Variants in AUTS2 observed in about 807,000 individuals in gnomAD.
AUTS2 encodes autism susceptibility gene 2 protein.
Under a neutral mutation model 112.4 loss-of-function variants are expected in AUTS2, and 17 were observed. The observed-to-expected ratio is 0.15, with a 90% CI of 0.10 to 0.23. The LOEUF is 0.23. AUTS2 is among the 10% of genes least tolerant of loss of function. The probability of loss-of-function intolerance (pLI) is 1.00; values close to 1 mark genes in which losing one functional copy is unlikely to be tolerated. For missense variants in AUTS2, 1,510 were observed against 1,701.6 expected (o/e 0.89, Z 1.98); for synonymous variants, 751 against 702.7 (o/e 1.07, Z -1.09).
intron 4 of AUTS2, among the ~76,000 whole-genome samples, chr7:70,321,609 C>T (rs1790257453): frequency 6.6e-6 from 1 of 152,058 alleles, no homozygotes; most frequent in Admixed American, 6.6e-5. Context: ...CTCCCTCCCA[C>T]AAAAAAACAG....
At chr7:70,364,286 G>T (rs895794969) in intron 4 of AUTS2, among the ~76,000 whole-genome samples, 7 of 152,112 alleles carry the variant, frequency 4.6e-5, no homozygotes, top group African/African-American at 1.7e-4. Context: ...AAATTAGGCC[G>T]GGCGCAGTGG....
At chr7:69,616,845 A>T (rs1384076103) in intron 1 of AUTS2, among the ~76,000 whole-genome samples, 2 of 152,110 alleles carry the variant, frequency 1.3e-5, no homozygotes, top group Admixed American at 6.5e-5. Context: ...CCTGTCTTCT[A>T]TATTTATACT....
chr7:70,486,588 A>G (rs1798010101), intron 5 of AUTS2, among the ~76,000 whole-genome samples: 1 of 152,018 alleles, frequency 6.6e-6, no homozygotes, highest in Non-Finnish European at 1.5e-5. Context: ...AACAAAAAAC[A>G]AAAACAAAAC....
intron 5 of AUTS2, among the ~76,000 whole-genome samples, chr7:70,475,181 T>C (rs1254453299): frequency 2.0e-5 from 3 of 152,206 alleles, no homozygotes; most frequent in Non-Finnish European, 2.9e-5. Context: ...TTCTGAGAGA[T>C]TCTTTTTTTA....
chr7:70,735,333 T>C (rs2129553291), intron 6 of AUTS2, among the ~76,000 whole-genome samples: 1 of 152,176 alleles, frequency 6.6e-6, no homozygotes, highest in Admixed American at 6.5e-5. Flanking sequence ...GCAAATTCAG[T>C]TGGTTTGTTC....
intron 1 of AUTS2, among the ~76,000 whole-genome samples, chr7:69,880,355 T>C (rs1562946766): frequency 6.6e-6 from 1 of 152,140 alleles, no homozygotes; most frequent in Non-Finnish European, 1.5e-5. Context: ...CCAAACCATA[T>C]CACCCAGCTG....
At chr7:70,142,101 C>T (rs1342026340) in intron 4 of AUTS2, among the ~76,000 whole-genome samples, 1 of 152,178 alleles carries the variant, frequency 6.6e-6, no homozygotes, top group African/African-American at 2.4e-5. Context: ...TATTTTTAAA[C>T]ATTTGCTGTC....
chr7:69,614,367 T>TCTTTCTTTCTTTTCTTTCTTTTC lies in AUTS2; in HGVS notation c.309+14405_309+14406insCTTTCTTTCTTTTCTTTCTTTTC, dbSNP rs57602451. Among the ~76,000 whole-genome samples, 27 of 90,282 alleles carry TCTTTCTTTCTTTTCTTTCTTTTC rather than the reference T, an allele frequency of 3.0e-4. 5 individuals carry two copies. Among genetic ancestry groups the TCTTTCTTTCTTTTCTTTCTTTTC allele is most frequent in the African/African-American group, 4.1e-4 (10 of 24,434 alleles). 59.2% of individuals were successfully genotyped at this position (90,282 alleles called of 152,430 possible). A position where few individuals can be genotyped will look rare whatever the true frequency, so the allele number is the denominator to read the frequency against. On this transcript the variant is annotated intron_variant, in intron 1 of 18. Coordinates refer to ENST00000342771, the MANE Select transcript of AUTS2 (RefSeq NM_015570.4). Reference sequence around the variant, plus strand: ...TTCTTTCTTTCTTTCTTTCTTTCTTTTTTTAAGAGATGGGATCTCACTCTG... The same window carrying TCTTTCTTTCTTTTCTTTCTTTTC: ...TTCTTTCTTTCTTTCTTTCTTTCTTTCTTTCTTTCTTTTCTTTCTTTTCTTTTAAGAGATGGGATCTCACTCTG...
intron 5 of AUTS2, among the ~76,000 whole-genome samples, chr7:70,532,193 T>G (rs1196200421): frequency 6.6e-6 from 1 of 152,164 alleles, no homozygotes; most frequent in African/African-American, 2.4e-5. Flanking sequence ...AGCTTCAGCT[T>G]GTATCGCGTT....
chr7:70,408,122 A>T (rs1359001417), intron 4 of AUTS2, among the ~76,000 whole-genome samples: 2 of 151,696 alleles, frequency 1.3e-5, no homozygotes, highest in African/African-American at 4.8e-5. Flanking sequence ...TTGAGGCTAC[A>T]GTGAATTGTA....
At chr7:69,616,302 G>A (rs950764734) in intron 1 of AUTS2, among the ~76,000 whole-genome samples, 1 of 152,138 alleles carries the variant, frequency 6.6e-6, no homozygotes. Flanking sequence ...GTACCAGGTG[G>A]CTGCCATGTT....
intron 4 of AUTS2, among the ~76,000 whole-genome samples, chr7:70,272,940 C>T (rs1430509035): frequency 1.3e-5 from 2 of 152,188 alleles, no homozygotes; most frequent in African/African-American, 4.8e-5. Flanking sequence ...TCTAGACAAA[C>T]ATAGCAAGAC....
At chr7:70,337,109 G>A (rs1394912937) in intron 4 of AUTS2, among the ~76,000 whole-genome samples, 1 of 152,124 alleles carries the variant, frequency 6.6e-6, no homozygotes, top group Non-Finnish European at 1.5e-5. Context: ...TTTTCATGCA[G>A]TAATTAAAAT....
At chr7:70,017,624 A>C (rs2079381783) in intron 2 of AUTS2, among the ~76,000 whole-genome samples, 1 of 152,186 alleles carries the variant, frequency 6.6e-6, no homozygotes, top group Non-Finnish European at 1.5e-5. Flanking sequence ...CAGGGCCAAG[A>C]GGCTGCTGTG....
intron 5 of AUTS2, among the ~76,000 whole-genome samples, chr7:70,441,659 T>C (rs1426474298): frequency 6.6e-6 from 1 of 152,220 alleles, no homozygotes; most frequent in Admixed American, 6.5e-5. Context: ...AGCACTGATA[T>C]TACAGGCATG....
At chr7:70,475,001 T>A (rs1275679305) in intron 5 of AUTS2, among the ~76,000 whole-genome samples, 1 of 152,164 alleles carries the variant, frequency 6.6e-6, no homozygotes, top group African/African-American at 2.4e-5. Flanking sequence ...CAGTGACATT[T>A]ATATCTGCTT....
chr7:70,700,083 C>T (rs1809366433), intron 6 of AUTS2, among the ~76,000 whole-genome samples: 1 of 152,254 alleles, frequency 6.6e-6, no homozygotes, highest in African/African-American at 2.4e-5. Flanking sequence ...CTGGCCGCCA[C>T]TGCCCTGAAA....
At position 70,500,710 on chromosome 7, in the gene AUTS2, T is replaced by G. The variant is rs774403913; in HGVS notation, c.690+64929T>G. 2.4e-4 allele frequency among the ~76,000 whole-genome samples: 37 copies of G among 152,046 alleles called. 1 individual carries two copies. Among genetic ancestry groups the G allele is most frequent in the Non-Finnish European group, 4.9e-4 (33 of 67,994 alleles). The stretch of plus-strand genomic sequence containing the variant: ...CCTTCTCCAGGCACAAAATAATGGG[T>G]TGACCAAATTGATAATTTTTTTTTT... On this transcript the variant is annotated intron_variant, in intron 5 of 18. Coordinates refer to ENST00000342771, the MANE Select transcript of AUTS2 (RefSeq NM_015570.4).
At chr7:70,072,801 T>C (rs1428971842) in intron 2 of AUTS2, among the ~76,000 whole-genome samples, 1 of 152,196 alleles carries the variant, frequency 6.6e-6, no homozygotes, top group Non-Finnish European at 1.5e-5. Context: ...AATATCGTGT[T>C]TGTTATCTCC....
Sources: allele counts gnomAD v4.1 joint callset (sites outside exome capture counted in the v4.1 genomes callset), GRCh38; gene constraint gnomAD v4.1.1; transcripts MANE v1.5; gene names NCBI Gene and HGNC (gene_info 2026-07-23, HGNC 2026-07-21).